FSIP2: variants seen among roughly 807,000 people sequenced by gnomAD.
The protein encoded by FSIP2 is fibrous sheath interacting protein 2, also known as fibrous sheath-interacting protein 2.
In FSIP2, 367 loss-of-function variants were observed where a neutral mutation model predicts 510.5. That is an observed-to-expected ratio of 0.72 (90% CI 0.66 to 0.78). The LOEUF (loss-of-function observed/expected upper bound fraction) is 0.78, where lower values mean the gene tolerates loss of function less well. Among genes scored for constraint, FSIP2 ranks in the 30% least tolerant of loss-of-function variants. The pLI, the probability that FSIP2 is intolerant of heterozygous loss-of-function variation, is 0.00. For synonymous variants in FSIP2, 2,601 were observed against 2,732.2 expected (o/e 0.95, Z 1.50); for missense variants, 7,594 against 7,901.7 (o/e 0.96, Z 1.48).
intron 19 of FSIP2, among the ~76,000 whole-genome samples, chr2:185,818,170 T>G (rs1369641499): frequency 2.0e-5 from 3 of 151,868 alleles, no homozygotes; most frequent in African/African-American, 7.2e-5. Flanking sequence ...CTGAAAAATA[T>G]AACAACTGAA....
At position 185,763,193 on chromosome 2, in the gene FSIP2, T is replaced by C. The variant is rs781759723; in HGVS notation, c.1251T>C (p.Asn417=). Residue 417 remains asparagine, a synonymous_variant, in exon 12 of 23, where the codon AAT becomes AAC. Transcript: ENST00000424728. The stretch of plus-strand genomic sequence containing the variant: ...CTCTTCTTTCTCTAGGAGGTATAAA[T>C]ATTTCAGGCCAAGGTTCAATTATTT... ...SSIFDDRGGI[N]ISGQGSIISA... 5 of 1,432,614 alleles carry C rather than the reference T, an allele frequency of 3.5e-6. No homozygotes were observed. The South Asian group carries it at 6.1e-5, about 18-fold the overall frequency. 88.7% of individuals were successfully genotyped at this position (1,432,614 alleles called of 1,614,324 possible).
rs762523198 is a variant in FSIP2 at position 185,782,770 on chromosome 2, C to T, written c.1469+8C>T. 2 of 1,388,660 alleles carry T rather than the reference C, an allele frequency of 1.4e-6. No individual in the cohort carries two copies. Among genetic ancestry groups the T allele is most frequent in the South Asian group, 2.5e-5 (2 of 81,090 alleles). The allele number at this position is 1,388,660 out of a possible 1,614,324, so 86.0% of individuals were successfully genotyped here. ...TCCTGTTTACACAAATATGTAAGTA[C>T]CTAAGGAATTATATATAATCATAAC... On this transcript the variant is annotated splice_region_variant and intron_variant, in intron 14 of 22. Coordinates refer to ENST00000424728, the MANE Select transcript of FSIP2 (RefSeq NM_173651.4).
At chr2:185,762,048 C>T (rs1368549615) in intron 11 of FSIP2, 31 bp downstream of exon 11, 5 of 1,054,556 alleles carry the variant, frequency 4.7e-6, no homozygotes, top group Non-Finnish European at 7.0e-6. Flanking sequence ...CATAATTTTT[C>T]TGTTATTAGG....
chr2:185,756,695 T>C (rs1010145630), intron 9 of FSIP2, among the ~76,000 whole-genome samples: 7 of 151,372 alleles, frequency 4.6e-5, no homozygotes, highest in African/African-American at 1.7e-4. Context: ...ACTTATGTTA[T>C]GTCACTTCAT....
In FSIP2 at chr2:185,791,045, A is replaced by C; in HGVS notation, c.3909A>C (p.Leu1303Phe). Residue 1303 changes from leucine to phenylalanine, a missense_variant, in exon 16 of 23, where the codon TTA becomes TTC. Transcript: ENST00000424728. Reference sequence around the variant, plus strand: ...CAGCTAAAATAGTAAACATTGTTTTATGTGCTATCCAGAATGAACTGGAAC... The same window carrying C: ...CAGCTAAAATAGTAAACATTGTTTTCTGTGCTATCCAGAATGAACTGGAAC... Reference protein sequence around the residue: ...KYTAKIVNIVLCAIQNELELH... With the variant: ...KYTAKIVNIVFCAIQNELELH... 6.5e-7 allele frequency: 1 copy of C among 1,532,526 alleles called. No individual in the cohort carries two copies. The highest frequency in any genetic ancestry group is 8.7e-7 in the Non-Finnish European group (1 of 1,144,796). 94.9% of individuals were successfully genotyped at this position (1,532,526 alleles called of 1,614,324 possible). A position where few individuals can be genotyped will look rare whatever the true frequency, so the allele number is the denominator to read the frequency against.
rs1271416321 is a variant in FSIP2, at chr2:185,745,560, G to A, written c.609G>A (p.Met203Ile). ...CTATTAAGGACCAGGAGCGGCTGAT[G>A]AGGCATAGGTAAGATTAAAGTTGAG... Reference protein sequence around the residue: ...TESIKDQERLMRHRYLDMISR... With the variant: ...TESIKDQERLIRHRYLDMISR... The change falls in exon 5 of 23, where the codon ATG becomes ATA. Residue 203 changes from methionine to isoleucine, a missense_variant. By Grantham distance (10) the Met-to-Ile change is conservative. Coordinates refer to ENST00000424728, the MANE Select transcript of FSIP2 (RefSeq NM_173651.4). 1 of 1,533,740 alleles carries A rather than the reference G, an allele frequency of 6.5e-7. No homozygotes were observed. Among genetic ancestry groups the A allele is most frequent in the Non-Finnish European group, 8.7e-7 (1 of 1,145,642 alleles).
chr2:185,751,298 T>C (rs1692141199), intron 7 of FSIP2, among the ~76,000 whole-genome samples: 1 of 151,672 alleles, frequency 6.6e-6, no homozygotes, highest in African/African-American at 2.4e-5. Flanking sequence ...TGATTTGATT[T>C]GTTTATTGTT....
At position 185,808,947 on chromosome 2, in the gene FSIP2, A is replaced by C; in HGVS notation, c.19641A>C (p.Lys6547Asn). ...AACACTTAGCAGTTATTTCTATAAAAACTCAACCTCTTGAGAAACTTAAGC... is the reference window on the plus strand; with the variant it reads ...AACACTTAGCAGTTATTTCTATAAACACTCAACCTCTTGAGAAACTTAAGC... Reference protein sequence around the residue: ...ISEHLAVISIKTQPLEKLKQE... With the variant: ...ISEHLAVISINTQPLEKLKQE... The change falls in exon 17 of 23, where the codon AAA (lysine) becomes AAC (asparagine). Residue 6547 changes from lysine to asparagine, a missense_variant. Transcript: ENST00000424728. 2 of 1,608,824 alleles carry C rather than the reference A, an allele frequency of 1.2e-6. No individual in the cohort carries two copies. The highest frequency in any genetic ancestry group is 1.7e-6 in the Non-Finnish European group (2 of 1,178,538).
chr2:185,805,034 A>G lies in FSIP2; in HGVS notation c.15728A>G (p.Glu5243Gly). Residue 5243 changes from glutamate (E) to glycine (G), a missense_variant, in exon 17 of 23, where the codon GAA becomes GGA. Physicochemically the swap from Glu to Gly is moderately conservative, Grantham distance 98. Transcript: ENST00000424728. ...YHHLQPFLHG[E>G]ESSFSDLSDY... ...CATTTACAGCCATTTTTACATGGTG[A>G]AGAATCATCTTTCAGTGACTTATCT... 2 of 1,596,976 alleles carry G rather than the reference A, an allele frequency of 1.3e-6. No homozygotes were observed. Among genetic ancestry groups the G allele is most frequent in the Non-Finnish European group, 1.7e-6 (2 of 1,175,406 alleles).
At chr2:185,776,517 A>G (rs140389793) in intron 13 of FSIP2, among the ~76,000 whole-genome samples, 83 of 152,254 alleles carry the variant, frequency 5.5e-4, no homozygotes, top group African/African-American at 1.8e-3. Flanking sequence ...TTGAATTGAT[A>G]TCAGAAAATT....
chr2:185,804,527 T>C lies in FSIP2; in HGVS notation c.15221T>C (p.Val5074Ala). 2 of 1,519,772 alleles carry C rather than the reference T, an allele frequency of 1.3e-6. No individual in the cohort carries two copies. Among genetic ancestry groups the C allele is most frequent in the Admixed American group, 2.1e-5 (1 of 48,060 alleles). 94.1% of individuals were successfully genotyped at this position (1,519,772 alleles called of 1,614,324 possible). ...TATGATTATCAAGTGCAGTCATTAG[T>C]TTCAGGAGAATTAGAGTCTTCTTCT... ...EIYDYQVQSLVSGELESSSYS... is the reference protein window; with the variant it reads ...EIYDYQVQSLASGELESSSYS... Residue 5074 changes from valine (V) to alanine (A), a missense_variant, in exon 17 of 23, where the codon GTT becomes GCT. Transcript: ENST00000424728.
rs1159985411 is a variant in FSIP2 at position 185,807,265 on chromosome 2, G to T, written c.17959G>T (p.Val5987Phe). Residue 5987 changes from valine (V) to phenylalanine (F), a missense_variant, in exon 17 of 23, where the codon GTC becomes TTC. Physicochemically the swap from Val to Phe is conservative, Grantham distance 50. Coordinates refer to ENST00000424728, the MANE Select transcript of FSIP2 (RefSeq NM_173651.4). ...GGAATCTAAGGATGTTGTTAAAAAG[G>T]TCCAAAAGTTGGCCCAAACAGCCAG... Reference protein sequence around the residue: ...PLESKDVVKKVQKLAQTASKE... With the variant: ...PLESKDVVKKFQKLAQTASKE... The T allele has an allele frequency of 1.9e-6, 3 of 1,612,652 alleles. No homozygotes were observed. The East Asian group carries it at 6.7e-5, about 36-fold the overall frequency.
chr2:185,755,960 G>GA (rs1692238263), intron 8 of FSIP2, among the ~76,000 whole-genome samples: 1 of 151,434 alleles, frequency 6.6e-6, no homozygotes, highest in Admixed American at 6.6e-5. Flanking sequence ...TTTTCTGCTA[G>GA]AAAAACATTC....
At chr2:185,784,699 T>C (rs1692927361) in intron 14 of FSIP2, among the ~76,000 whole-genome samples, 1 of 152,082 alleles carries the variant, frequency 6.6e-6, no homozygotes, top group African/African-American at 2.4e-5. Flanking sequence ...CTGGAGAAAG[T>C]GGATGAAAAT....
At position 185,816,941 on chromosome 2, in the gene FSIP2, GAA is replaced by G. The variant is rs1491580991; in HGVS notation, c.20426+1471_20426+1472del. ...AAAAAGAGTAAATGAGAAAGAGAGA[GAA>G]GAGAGAGAAACAAAAGGAAGAAGGA... On this transcript the variant is annotated intron_variant, in intron 19 of 22. Coordinates refer to ENST00000424728, the MANE Select transcript of FSIP2 (RefSeq NM_173651.4). Among the ~76,000 whole-genome samples the G allele has an allele frequency of 6.9e-5, 10 of 144,198 alleles. No homozygotes were observed. In the Admixed American group the frequency reaches 7.1e-4, roughly 10 times the overall value. 94.6% of individuals were successfully genotyped at this position (144,198 alleles called of 152,430 possible). A position where few individuals can be genotyped will look rare whatever the true frequency, so the allele number is the denominator to read the frequency against.
At chr2:185,814,193 C>CTCAATAGCAGAACAAATAACAA in intron 18 of FSIP2, 151 bp downstream of exon 18, 2 of 763,910 alleles carry the variant, frequency 2.6e-6, no homozygotes, top group Non-Finnish European at 4.1e-6. Context: ...AAATTATTAC[C>CTCAATAGCAGAACAAATAACAA]AGGTACAGCT....
At position 185,792,391 on chromosome 2, in the gene FSIP2, C is replaced by T; in HGVS notation, c.5255C>T (p.Ser1752Phe). 1 of 1,533,660 alleles carries T rather than the reference C, an allele frequency of 6.5e-7. No individual in the cohort carries two copies. The highest frequency in any genetic ancestry group is 1.7e-4 in the Middle Eastern group (1 of 5,968). Reference protein sequence around the residue: ...SPQREEVKTRSLKQWALEKTL... With the variant: ...SPQREEVKTRFLKQWALEKTL... The stretch of plus-strand genomic sequence containing the variant: ...CAAAGAGAAGAAGTGAAAACACGTT[C>T]TCTTAAACAATGGGCTCTCGAAAAA... Residue 1752 changes from serine to phenylalanine, a missense_variant, in exon 16 of 23, where the codon TCT (serine) becomes TTT (phenylalanine). By Grantham distance (155) the Ser-to-Phe change is radical. Transcript: ENST00000424728.
rs1263526460 is a variant in FSIP2, at chr2:185,794,931, T to C, written c.7795T>C (p.Tyr2599His). ...AGGAAAAATAAGTAATTCCCCTAGA[T>C]ATGCGATATCACAGGCTTATTCTTA... ...QAGKISNSPRYAISQAYSYVD... is the reference protein window; with the variant it reads ...QAGKISNSPRHAISQAYSYVD... Residue 2599 changes from tyrosine (Y) to histidine (H), a missense_variant, in exon 16 of 23, where the codon TAT becomes CAT. By Grantham distance (83) the Tyr-to-His change is moderately conservative. Coordinates refer to ENST00000424728, the MANE Select transcript of FSIP2 (RefSeq NM_173651.4). 6.5e-7 allele frequency: 1 copy of C among 1,533,950 alleles called. No individual in the cohort carries two copies. The highest frequency in any genetic ancestry group is 8.7e-7 in the Non-Finnish European group (1 of 1,145,286).
chr2:185,798,701 T>G (rs897743604), intron 16 of FSIP2, among the ~76,000 whole-genome samples: 1 of 151,790 alleles, frequency 6.6e-6, no homozygotes, highest in Non-Finnish European at 1.5e-5. Flanking sequence ...AACTCTTAAA[T>G]AGACTTACTC....
Sources: allele counts gnomAD v4.1 joint callset (sites outside exome capture counted in the v4.1 genomes callset), GRCh38; gene constraint gnomAD v4.1.1; transcripts MANE v1.5; gene names NCBI Gene and HGNC (gene_info 2026-07-23, HGNC 2026-07-21).